The following TBX5 variants were observed in gnomAD, a reference collection of about 807,000 sequenced individuals.
TBX5 encodes the protein T-box transcription factor 5, also known as T-box transcription factor TBX5.
In TBX5, 8 loss-of-function variants were observed where a neutral mutation model predicts 51.1. That is an observed-to-expected ratio of 0.16 (90% CI 0.09 to 0.28). TBX5 has a LOEUF of 0.28. Among genes scored for constraint, TBX5 ranks in the 10% least tolerant of loss-of-function variants. The pLI is 1.00. For synonymous variants in TBX5, 302 were observed against 266.4 expected (o/e 1.13, Z -1.30); for missense variants, 589 against 671.7 (o/e 0.88, Z 1.36).
At chr12:114,390,243 G>A (rs1203762706) in intron 6 of TBX5, among the ~76,000 whole-genome samples, 2 of 152,184 alleles carry the variant, frequency 1.3e-5, no homozygotes, top group Non-Finnish European at 2.9e-5. Context: ...ATTGTCTGCA[G>A]GTCAAAATAT....
intron 3 of TBX5, among the ~76,000 whole-genome samples, 160 bp downstream of exon 3, chr12:114,401,666 T>A (rs543261653): frequency 3.9e-4 from 60 of 152,236 alleles, no homozygotes; most frequent in South Asian, 1.5e-3. Context: ...CCAGGATCTA[T>A]CTTTCGCTCT....
chr12:114,359,846 T>C (rs1869136176), intron 8 of TBX5, among the ~76,000 whole-genome samples: 2 of 152,208 alleles, frequency 1.3e-5, no homozygotes, highest in Non-Finnish European at 2.9e-5. Context: ...GAGGTAATAA[T>C]GAGGGCAGTT....
intron 8 of TBX5, among the ~76,000 whole-genome samples, chr12:114,357,897 C>G (rs1206164278): frequency 6.6e-6 from 1 of 152,200 alleles, no homozygotes; most frequent in East Asian, 1.9e-4. Context: ...TGTGATGGCT[C>G]ATGGCCATGA....
chr12:114,387,535 C>T (rs1870884178), intron 6 of TBX5, among the ~76,000 whole-genome samples: 1 of 152,110 alleles, frequency 6.6e-6, no homozygotes, highest in Admixed American at 6.5e-5. Context: ...AGGCAGAGCC[C>T]AGAGGATTTT....
chr12:114,385,858 A>G (rs1181769528), intron 6 of TBX5, among the ~76,000 whole-genome samples: 2 of 140,308 alleles, frequency 1.4e-5, no homozygotes, highest in East Asian at 2.0e-4. Flanking sequence ...TTTTTTTCCA[A>G]TCTTGCATTT....
At chr12:114,372,067 G>C (rs1418326117) in intron 7 of TBX5, among the ~76,000 whole-genome samples, 1 of 152,154 alleles carries the variant, frequency 6.6e-6, no homozygotes, top group Non-Finnish European at 1.5e-5. Context: ...CGTGGACATA[G>C]AGCATGGAAT....
chr12:114,388,722 A>T, intron 6 of TBX5, among the ~76,000 whole-genome samples: 1 of 133,594 alleles, frequency 7.5e-6, no homozygotes, highest in African/African-American at 2.8e-5. Context: ...GTGTGTACAC[A>T]TTCTCCCTCC....
chr12:114,399,690 G>A, intron 3 of TBX5, 58 bp from the exon 4 acceptor site: 5 of 1,612,930 alleles, frequency 3.1e-6, no homozygotes, highest in Non-Finnish European at 4.2e-6. Context: ...GTATTTTAAG[G>A]CAGCCTCCAT....
At chr12:114,374,437 G>A (rs1472828644) in intron 7 of TBX5, among the ~76,000 whole-genome samples, 1 of 152,158 alleles carries the variant, frequency 6.6e-6, no homozygotes, top group Non-Finnish European at 1.5e-5. Context: ...TAGTTCTGGG[G>A]AACAGCATGG....
At chr12:114,377,301 T>G (rs1004465596) in intron 7 of TBX5, among the ~76,000 whole-genome samples, 16 of 152,212 alleles carry the variant, frequency 1.1e-4, no homozygotes, top group African/African-American at 3.9e-4. Context: ...GAAAATTAAT[T>G]TAAAATCAGG....
At chr12:114,396,621 G>A (rs1284844002) in intron 5 of TBX5, among the ~76,000 whole-genome samples, 1 of 152,110 alleles carries the variant, frequency 6.6e-6, no homozygotes, top group Non-Finnish European at 1.5e-5. Context: ...CACTCCAGAG[G>A]AGCAGAGAAA....
rs556197042 is a variant in TBX5 at position 114,355,612 on chromosome 12, C to T, written c.1477G>A (p.Val493Met). The T allele has an allele frequency of 2.6e-5, 42 of 1,614,180 alleles. No individual in the cohort carries two copies. Among genetic ancestry groups the T allele is most frequent in the Middle Eastern group, 3.3e-4 (2 of 6,062 alleles). Residue 493 changes from valine (V) to methionine (M), a missense_variant, in exon 9 of 9, where the codon GTG becomes ATG. Around this residue, in one of 7 missense-constraint regions of TBX5, gnomAD observed 348 missense variants for 360.4 expected, o/e 0.97. Coordinates refer to ENST00000405440, the MANE Select transcript of TBX5 (RefSeq NM_181486.4). ...TGATGAGGGGATAGAGTCCTTGGCA[C>T]GCCATGAGAGTAGAGGAACTCAGGG... ...QPPEFLYSHG[V>M]PRTLSPHQYH...
chr12:114,388,675 CGTGTGTGTGTGTGTGTGT>C (rs59385091), intron 6 of TBX5, among the ~76,000 whole-genome samples: 31 of 124,404 alleles, frequency 2.5e-4, no homozygotes, highest in South Asian at 1.2e-3. Context: ...TTAAAGTATC[CGTGTGTGTGTGTGTGTGT>C]GTGTGTGTGT....
Position 114,383,073 on chromosome 12 carries a change from T to G in TBX5, c.755+2403A>C, listed in dbSNP as rs145473988. Among the ~76,000 whole-genome samples the G allele has an allele frequency of 6.1e-3, 921 of 152,016 alleles. 5 individuals carry two copies. The highest frequency in any genetic ancestry group is 9.0e-3 in the Non-Finnish European group (615 of 67,986). On this transcript the variant is annotated intron_variant, in intron 7 of 8. Transcript: ENST00000405440. ...ACACACCTGCACATGCCCACCTGTC[T>G]CTACTTTCATAGCTGGCTGTCATCT...
In TBX5 at chr12:114,405,636, G is replaced by A; in HGVS notation, c.-47C>T. 1.1e-6 allele frequency: 1 copy of A among 940,626 alleles called. No individual in the cohort carries two copies. The highest frequency in any genetic ancestry group is 1.8e-5 in the African/African-American group (1 of 56,378). 58.3% of individuals were successfully genotyped at this position (940,626 alleles called of 1,614,324 possible). On this transcript the variant is annotated 5_prime_UTR_variant, in exon 1 of 9. Transcript: ENST00000405440. The stretch of plus-strand genomic sequence containing the variant: ...TCTGCCGGGACGGTTACCTCGTTCG[G>A]TGAAGCCGGTGCATTCACCACATCC...
At chr12:114,377,664 C>T (rs1183573404) in intron 7 of TBX5, among the ~76,000 whole-genome samples, 1 of 149,472 alleles carries the variant, frequency 6.7e-6, no homozygotes, top group Non-Finnish European at 1.5e-5. Flanking sequence ...AATTCTCCTC[C>T]TGTCTCAGCC....
chr12:114,356,928 C>T (rs1442831040), intron 8 of TBX5, among the ~76,000 whole-genome samples: 3 of 152,270 alleles, frequency 2.0e-5, no homozygotes, highest in East Asian at 3.9e-4. Flanking sequence ...AGTAGTCTGA[C>T]CACAAAGCCC....
At chr12:114,377,865 G>A (rs1429676609) in intron 7 of TBX5, among the ~76,000 whole-genome samples, 4 of 152,084 alleles carry the variant, frequency 2.6e-5, no homozygotes, top group Non-Finnish European at 4.4e-5. Flanking sequence ...CCACAGAGGC[G>A]GGTGAGGTTG....
chr12:114,408,258 C>A, upstream of TBX5: 1 of 968,956 alleles, frequency 1.0e-6, no homozygotes, highest in Middle Eastern at 5.3e-4. Flanking sequence ...AGACATAAAC[C>A]AACCCGGCTT....
Sources: gnomAD v4.1 joint callset for allele counts (sites outside exome capture counted in the v4.1 genomes callset) on GRCh38, gnomAD v4.1.1 for gene constraint, gnomAD v4.1.1 regional missense constraint, MANE v1.5 for transcripts, NCBI Gene and HGNC (gene_info 2026-07-23, HGNC 2026-07-21) for gene names.